Variants in OLFM3 observed in about 807,000 individuals in gnomAD.
OLFM3 encodes noelin-3.
In OLFM3, 20 loss-of-function variants were observed where a neutral mutation model predicts 48.6. The ratio of observed to expected loss-of-function variants is 0.41; its 90% CI spans 0.29 to 0.60. The LOEUF (loss-of-function observed/expected upper bound fraction) is 0.60, where lower values mean the gene tolerates loss of function less well. Ranked by LOEUF, OLFM3 falls within the 20% of genes least tolerant of loss-of-function variation. OLFM3 has a pLI of 0.28. For missense variants in OLFM3, 437 were observed against 544.3 expected (o/e 0.80, Z 1.96); for synonymous variants, 222 against 198.1 (o/e 1.12, Z -1.01).
At chr1:101,926,989 T>C (rs542065283) in intron 1 of OLFM3, among the ~76,000 whole-genome samples, 8 of 152,278 alleles carry the variant, frequency 5.3e-5, no homozygotes, top group Non-Finnish European at 1.0e-4. Flanking sequence ...TTCCTATCCA[T>C]AAATGAATGA....
At chr1:101,895,932 T>A (rs960473542) in intron 1 of OLFM3, among the ~76,000 whole-genome samples, 14 of 151,210 alleles carry the variant, frequency 9.3e-5, no homozygotes, top group Non-Finnish European at 1.5e-5. Flanking sequence ...GCAGGATTTC[T>A]CATGCAAGAG....
intron 3 of OLFM3, among the ~76,000 whole-genome samples, chr1:101,826,737 C>T (rs1481817697): frequency 6.6e-6 from 1 of 152,106 alleles, no homozygotes; most frequent in African/African-American, 2.4e-5. Context: ...TTTGTCAGCT[C>T]ATTTGGAAAT....
At chr1:101,870,755 G>A (rs1023831535) in intron 1 of OLFM3, among the ~76,000 whole-genome samples, 6 of 151,868 alleles carry the variant, frequency 4.0e-5, no homozygotes, top group Non-Finnish European at 8.8e-5. Context: ...TAGGCAGAAA[G>A]GTCAGAATTA....
intron 1 of OLFM3, among the ~76,000 whole-genome samples, chr1:101,917,436 A>G (rs1453666848): frequency 6.6e-6 from 1 of 151,766 alleles, no homozygotes; most frequent in African/African-American, 2.4e-5. Context: ...ATATATTTTG[A>G]GACTGAGTCT....
chr1:101,910,512 T>G (rs756609405), intron 1 of OLFM3, among the ~76,000 whole-genome samples: 19 of 120,354 alleles, frequency 1.6e-4, no homozygotes, highest in Non-Finnish European at 2.4e-4. Flanking sequence ...ACATTCTAAA[T>G]AGACTAAAGA....
At chr1:101,813,174 T>G (rs1654152651) in intron 4 of OLFM3, 9 of 1,051,546 alleles carry the variant, frequency 8.6e-6, no homozygotes, top group Non-Finnish European at 1.2e-5. Flanking sequence ...AGAAAGAAGT[T>G]ATATTGGACC....
intron 1 of OLFM3, among the ~76,000 whole-genome samples, chr1:101,891,965 G>A (rs74107981): frequency 2.1e-3 from 324 of 151,932 alleles, no homozygotes; most frequent in Non-Finnish European, 3.9e-3. Flanking sequence ...TCTTAAATTC[G>A]TCTTTAGGTA....
At chr1:101,841,860 C>T (rs1201128368) in intron 1 of OLFM3, among the ~76,000 whole-genome samples, 1 of 152,180 alleles carries the variant, frequency 6.6e-6, no homozygotes, top group Non-Finnish European at 1.5e-5. Flanking sequence ...CTAAATAAAT[C>T]TGTTTATTAA....
At chr1:101,943,882 A>AGAAAG (rs1659869764) in intron 1 of OLFM3, among the ~76,000 whole-genome samples, 2 of 151,246 alleles carry the variant, frequency 1.3e-5, no homozygotes, top group Middle Eastern at 3.7e-3. Context: ...ATAAAACTCT[A>AGAAAG]GAAATCCAAT....
At chr1:101,845,367 T>C (rs1450283511) in intron 1 of OLFM3, among the ~76,000 whole-genome samples, 1 of 152,080 alleles carries the variant, frequency 6.6e-6, no homozygotes, top group Non-Finnish European at 1.5e-5. Context: ...TTTTGGAAAT[T>C]TCATTCTCAT....
At position 101,996,778 on chromosome 1, in the gene OLFM3, C is replaced by T. The variant is rs761435122; in HGVS notation, c.39G>A (p.Leu13=). ...AAGGATCTAATCCGGCAAACAAAGA[C>T]AGCAGCAGGAGGTTGAGAAGGTTGG... ...ATSNLLNLLL[L]SLFAGLDPSK... The change falls in exon 1 of 6, where the codon CTG becomes CTA. Residue 13 remains leucine, a synonymous_variant. Transcript: ENST00000370103. The T allele has an allele frequency of 6.2e-7, 1 of 1,614,134 alleles. No homozygotes were observed. The highest frequency in any genetic ancestry group is 8.5e-7 in the Non-Finnish European group (1 of 1,180,042).
At chr1:101,811,518 T>C (rs979422651) in intron 4 of OLFM3, among the ~76,000 whole-genome samples, 2 of 152,164 alleles carry the variant, frequency 1.3e-5, no homozygotes, top group African/African-American at 4.8e-5. Context: ...GATCAAAAAG[T>C]GGACGAAGGA....
chr1:101,952,683 T>A (rs914401639), intron 1 of OLFM3, among the ~76,000 whole-genome samples: 3 of 152,066 alleles, frequency 2.0e-5, no homozygotes, highest in African/African-American at 7.2e-5. Context: ...AAATAAAATA[T>A]ATATAGCAGG....
chr1:101,852,926 C>A (rs541663878), intron 1 of OLFM3, among the ~76,000 whole-genome samples: 2 of 152,126 alleles, frequency 1.3e-5, no homozygotes, highest in Non-Finnish European at 2.9e-5. Flanking sequence ...CCAGCTGCCA[C>A]TGTGCTGCTT....
At chr1:101,891,805 A>G (rs1369180807) in intron 1 of OLFM3, among the ~76,000 whole-genome samples, 1 of 152,038 alleles carries the variant, frequency 6.6e-6, no homozygotes, top group Non-Finnish European at 1.5e-5. Flanking sequence ...CAGGTTTAAC[A>G]TGGACATTAT....
At chr1:101,828,893 A>C (rs1190559005) in intron 3 of OLFM3, among the ~76,000 whole-genome samples, 1 of 152,162 alleles carries the variant, frequency 6.6e-6, no homozygotes, top group East Asian at 1.9e-4. Context: ...TAACCCTGAG[A>C]ATTGAAAATT....
chr1:101,985,352 A>T (rs1163286346), intron 1 of OLFM3, among the ~76,000 whole-genome samples: 1 of 152,228 alleles, frequency 6.6e-6, no homozygotes, highest in African/African-American at 2.4e-5. Context: ...CATCTTTGGA[A>T]GGATATTATT....
intron 1 of OLFM3, among the ~76,000 whole-genome samples, chr1:101,903,870 A>G (rs185604668): frequency 3.9e-5 from 6 of 152,164 alleles, no homozygotes; most frequent in African/African-American, 1.4e-4. Flanking sequence ...CATTATTTTT[A>G]GTTATTATTT....
intron 1 of OLFM3, among the ~76,000 whole-genome samples, chr1:101,967,282 C>T (rs1660639321): frequency 7.2e-6 from 1 of 137,954 alleles, no homozygotes; most frequent in South Asian, 2.6e-4. Flanking sequence ...CTGACAATTT[C>T]TCATTTCATT....
Sources: gnomAD v4.1 joint callset for allele counts (sites outside exome capture counted in the v4.1 genomes callset) on GRCh38, gnomAD v4.1.1 for gene constraint, MANE v1.5 for transcripts, NCBI Gene and HGNC (gene_info 2026-07-23, HGNC 2026-07-21) for gene names.